GPSM1: variants seen among roughly 807,000 people sequenced by gnomAD.
GPSM1 encodes G protein-signaling modulator 1.
Under a neutral mutation model 70.5 loss-of-function variants are expected in GPSM1, and 48 were observed. That is an observed-to-expected ratio of 0.68 (90% confidence interval 0.54 to 0.87). The LOEUF (loss-of-function observed/expected upper bound fraction) is 0.87, where lower values mean the gene tolerates loss of function less well. Ranked by LOEUF, GPSM1 falls within the 40% of genes least tolerant of loss-of-function variation. The pLI is 0.00. For synonymous variants in GPSM1, 416 were observed against 430.1 expected (o/e 0.97, Z 0.41); for missense variants, 981 against 972.6 (o/e 1.01, Z -0.11).
At chr9:136,356,262 A>G (rs946826227) in intron 12 of GPSM1, 80 bp from the exon 13 acceptor site, 1 of 1,076,494 alleles carries the variant, frequency 9.3e-7, no homozygotes, top group African/African-American at 1.6e-5. Flanking sequence ...CTCAGAGGTC[A>G]GAGCTCACTG....
At chr9:136,334,863 G>A (rs553564946) in intron 2 of GPSM1, among the ~76,000 whole-genome samples, 195 bp downstream of exon 2, 6 of 151,932 alleles carry the variant, frequency 3.9e-5, no homozygotes, top group Non-Finnish European at 2.9e-5. Flanking sequence ...TGAGTGGGGC[G>A]GCCCTGCTGG....
intron 1 of GPSM1, among the ~76,000 whole-genome samples, chr9:136,330,360 C>T (rs1832072666): frequency 6.6e-6 from 1 of 152,090 alleles, no homozygotes; most frequent in Non-Finnish European, 1.5e-5. Context: ...ATGCTACCCC[C>T]TACCTTCACT....
chr9:136,358,070 T>C lies in GPSM1; in HGVS notation c.1878T>C (p.Pro626=), dbSNP rs1313815095. The C allele has an allele frequency of 2.9e-5, 46 of 1,612,582 alleles. No homozygotes were observed. Among genetic ancestry groups the C allele is most frequent in the Non-Finnish European group, 3.8e-5 (45 of 1,179,796 alleles). ...CACCTGACGTACTGCCCCGGGGCCCTACCATGCCGGACGAGGACTTCTTCA... is the reference window on the plus strand; with the variant it reads ...CACCTGACGTACTGCCCCGGGGCCCCACCATGCCGGACGAGGACTTCTTCA... The part of the protein sequence containing the change: ...CPPPDVLPRG[P]TMPDEDFFSL... The change falls in exon 14 of 14, where the codon CCT becomes CCC. Residue 626 remains proline (P), a synonymous_variant. Transcript: ENST00000440944.
chr9:136,337,801 C>T, intron 5 of GPSM1, 45 bp from the exon 6 acceptor site: 1 of 1,469,708 alleles, frequency 6.8e-7, no homozygotes, highest in Non-Finnish European at 9.5e-7. Context: ...ACGTCAGGCC[C>T]CGGGGCTGCG....
chr9:136,352,850 G>GGGAGGT (rs1313993770), intron 11 of GPSM1, among the ~76,000 whole-genome samples: 1 of 152,256 alleles, frequency 6.6e-6, no homozygotes, highest in African/African-American at 2.4e-5. Context: ...CACGGGGAGG[G>GGGAGGT]GGAGGTTCAC....
intron 7 of GPSM1, 32 bp downstream of exon 7, chr9:136,338,742 G>A (rs782449534): frequency 6.4e-5 from 97 of 1,520,966 alleles, no homozygotes; most frequent in Middle Eastern, 2.3e-4. Flanking sequence ...GGGCAGACCC[G>A]GCCCGGCCCA....
chr9:136,348,861 C>T (rs1360291555), intron 10 of GPSM1, 94 bp downstream of exon 10: 17 of 914,836 alleles, frequency 1.9e-5, no homozygotes, highest in Middle Eastern at 4.4e-4. Context: ...CCCACCTCAG[C>T]CCCTGTCTGC....
chr9:136,339,934 C>T (rs1252283241), intron 8 of GPSM1, 119 bp downstream of exon 8: 3 of 675,074 alleles, frequency 4.4e-6, no homozygotes, highest in Non-Finnish European at 7.9e-6. Context: ...CTTTCAGGGC[C>T]ATTGCAGCTG....
chr9:136,352,562 C>T (rs917928333), intron 11 of GPSM1, among the ~76,000 whole-genome samples: 1 of 152,224 alleles, frequency 6.6e-6, no homozygotes, highest in African/African-American at 2.4e-5. Flanking sequence ...CAACCAGAGG[C>T]TTGAGTTGAG....
At chr9:136,336,835 G>A (rs782367108) in intron 3 of GPSM1, 86 bp from the exon 4 acceptor site, 48 of 1,333,770 alleles carry the variant, frequency 3.6e-5, no homozygotes, top group Non-Finnish European at 4.8e-5. Context: ...TCGAGGGCTG[G>A]GACAGTGAGG....
At chr9:136,333,255 T>C (rs1168817768) in intron 1 of GPSM1, among the ~76,000 whole-genome samples, 6 of 152,152 alleles carry the variant, frequency 3.9e-5, no homozygotes, top group African/African-American at 1.2e-4. Context: ...CTGCTCACAC[T>C]GGCCACCCCA....
At position 136,341,312 on chromosome 9, in the gene GPSM1, G is replaced by A. The variant is rs1832385764; in HGVS notation, c.1207+319G>A. 1 of 1,447,762 alleles carries A rather than the reference G, an allele frequency of 6.9e-7. No individual in the cohort carries two copies. The highest frequency in any genetic ancestry group is 1.5e-5 in the South Asian group (1 of 68,042). The allele number at this position is 1,447,762 out of a possible 1,614,324, so 89.7% of individuals were successfully genotyped here. On this transcript the variant is annotated intron_variant, in intron 9 of 13. Transcript: ENST00000440944. The surrounding 1 kb of genome is among the most constrained non-coding windows in gnomAD (Gnocchi z 6.7). ...AGCCCTCGGTGCAGGGAGGGCTTCT[G>A]TCCTCAGACCCAAGTAGGAGAGGGC...
chr9:136,331,370 C>CG (rs1200487879), intron 1 of GPSM1, among the ~76,000 whole-genome samples: 2 of 151,130 alleles, frequency 1.3e-5, no homozygotes, highest in African/African-American at 4.9e-5. Flanking sequence ...CTGAGCCCCC[C>CG]CCCCCCGCTG....
chr9:136,337,422 A>T lies in GPSM1; in HGVS notation c.579-19A>T. The T allele has an allele frequency of 6.4e-7, 1 of 1,566,684 alleles. No homozygotes were observed. Reference sequence around the variant, plus strand: ...ACATGGGCTGGGAGGGACACGGCTCAGAGGCACTCGGCCCCCAGGAGGAAC... The same window carrying T: ...ACATGGGCTGGGAGGGACACGGCTCTGAGGCACTCGGCCCCCAGGAGGAAC... On this transcript the variant is annotated intron_variant, in intron 4 of 13. Coordinates refer to ENST00000440944, the MANE Select transcript of GPSM1 (RefSeq NM_001145638.3).
Position 136,340,845 on chromosome 9 carries a change from C to A in GPSM1, c.1084-25C>A, listed in dbSNP as rs201025378. ...AGCAGGGCCCCCAGCCACACCTGCC[C>A]GCTCCGCCACCCCACTCGCCGCAGA... On this transcript the variant is annotated intron_variant, in intron 8 of 13. Coordinates refer to ENST00000440944, the MANE Select transcript of GPSM1 (RefSeq NM_001145638.3). The surrounding 1 kb of genome is among the most constrained non-coding windows in gnomAD (Gnocchi z 7.3). The A allele has an allele frequency of 6.5e-7, 1 of 1,546,498 alleles. No individual in the cohort carries two copies.
chr9:136,357,515 G>A (rs1282090861), intron 13 of GPSM1, among the ~76,000 whole-genome samples: 1 of 152,240 alleles, frequency 6.6e-6, no homozygotes, highest in Admixed American at 6.5e-5. Context: ...TGGAGCAGGC[G>A]AGGCCCACGG....
At chr9:136,334,733 G>C in intron 2 of GPSM1, 65 bp downstream of exon 2, 4 of 1,354,090 alleles carry the variant, frequency 3.0e-6, no homozygotes, top group Middle Eastern at 2.6e-4. Flanking sequence ...GAGTGGGGAC[G>C]GCCCTGCTGG....
intron 1 of GPSM1, among the ~76,000 whole-genome samples, chr9:136,331,363 A>C (rs1198458835): frequency 1.9e-5 from 2 of 105,538 alleles, no homozygotes; most frequent in Non-Finnish European, 4.0e-5. Context: ...GAGGACTCTG[A>C]GCCCCCCCCC....
chr9:136,341,203 G>T lies in GPSM1; in HGVS notation c.1207+210G>T, dbSNP rs2131402044. The T allele has an allele frequency of 6.5e-7, 1 of 1,540,584 alleles. No individual in the cohort carries two copies. Among genetic ancestry groups the T allele is most frequent in the South Asian group, 1.2e-5 (1 of 83,106 alleles). On this transcript the variant is annotated intron_variant, in intron 9 of 13. Coordinates refer to ENST00000440944, the MANE Select transcript of GPSM1 (RefSeq NM_001145638.3). The surrounding 1 kb of genome is among the most constrained non-coding windows in gnomAD (Gnocchi z 6.7). Reference sequence around the variant, plus strand: ...TCCCACCCGCATCCTGAGTGGCGCTGCAGGGCTGCTGGATGAAGGACAGGA... The same window carrying T: ...TCCCACCCGCATCCTGAGTGGCGCTTCAGGGCTGCTGGATGAAGGACAGGA...
Sources: gnomAD v4.1 joint callset for allele counts (sites outside exome capture counted in the v4.1 genomes callset) on GRCh38, gnomAD v4.1.1 for gene constraint, Gnocchi (gnomAD v3.1) non-coding constraint, MANE v1.5 for transcripts, NCBI Gene and HGNC (gene_info 2026-07-23, HGNC 2026-07-21) for gene names.